The following CASZ1 variants were observed in gnomAD, a reference collection of about 807,000 sequenced individuals.
The protein encoded by CASZ1 is castor zinc finger 1.
Under a neutral mutation model 135.2 loss-of-function variants are expected in CASZ1, and 28 were observed. The ratio of observed to expected loss-of-function variants is 0.21; its 90% CI spans 0.15 to 0.28. CASZ1 has a LOEUF of 0.28. CASZ1 is among the 10% of genes least tolerant of loss of function. CASZ1 has a pLI of 1.00. For missense variants in CASZ1, 2,161 were observed against 2,453.3 expected (o/e 0.88, Z 2.52); for synonymous variants, 1,068 against 1,073.4 (o/e 0.99, Z 0.10).
At chr1:10,793,936 C>A (rs1301060962) in intron 1 of CASZ1, among the ~76,000 whole-genome samples, 1 of 152,170 alleles carries the variant, frequency 6.6e-6, no homozygotes, top group East Asian at 1.9e-4. Flanking sequence ...CAGGTCGCGA[C>A]GCCCGCCCGG....
chr1:10,716,401 C>T (rs747264443), intron 2 of CASZ1, among the ~76,000 whole-genome samples: 5 of 152,250 alleles, frequency 3.3e-5, no homozygotes, highest in Non-Finnish European at 7.3e-5. Flanking sequence ...AGAAGAGGCA[C>T]AGGCAGAGAG....
intron 2 of CASZ1, among the ~76,000 whole-genome samples, chr1:10,712,641 A>G (rs780043594): frequency 4.6e-5 from 7 of 152,054 alleles, no homozygotes; most frequent in Non-Finnish European, 1.0e-4. Context: ...GCTCCACAGG[A>G]TGTGCTGTGT....
In CASZ1 at chr1:10,726,084, G is replaced by T. The variant is rs574000886; in HGVS notation, c.-76-20540C>A. Among the ~76,000 whole-genome samples, 1 of 152,274 alleles carries T rather than the reference G, an allele frequency of 6.6e-6. No individual in the cohort carries two copies. Among genetic ancestry groups the T allele is most frequent in the Admixed American group, 6.5e-5 (1 of 15,304 alleles). On this transcript the variant is annotated intron_variant, in intron 2 of 20. Transcript: ENST00000377022. This position sits in a 1 kb window ranked among gnomAD's most constrained non-coding sequence, Gnocchi z 5.7. ...GATGCCTCCAACCACCTATGGGGCA[G>T]GGCCTATACTATCACCACCACCACT...
In CASZ1 at chr1:10,767,875, T is replaced by G. The variant is rs1640505192; in HGVS notation, c.-233-7018A>C. Among the ~76,000 whole-genome samples, 1 of 151,744 alleles carries G rather than the reference T, an allele frequency of 6.6e-6. No homozygotes were observed. The highest frequency in any genetic ancestry group is 6.6e-5 in the Admixed American group (1 of 15,246). On this transcript the variant is annotated intron_variant, in intron 1 of 20. Coordinates refer to ENST00000377022, the MANE Select transcript of CASZ1 (RefSeq NM_001079843.3). The surrounding 1 kb of genome is among the most constrained non-coding windows in gnomAD (Gnocchi z 4.2). ...CGGCCCATGAGGAGGGCCACGACCC[T>G]GGCATCACCCCAGTCCCCCAACGCC... is the stretch of plus-strand genomic sequence containing the variant.
At chr1:10,738,335 C>T (rs571071585) in intron 2 of CASZ1, among the ~76,000 whole-genome samples, 82 of 152,344 alleles carry the variant, frequency 5.4e-4, no homozygotes, top group Non-Finnish European at 1.0e-3. Flanking sequence ...GCAGGAAACC[C>T]GGAAGGACGC....
At chr1:10,702,510 C>T (rs959395793) in intron 3 of CASZ1, among the ~76,000 whole-genome samples, 2 of 152,224 alleles carry the variant, frequency 1.3e-5, no homozygotes, top group African/African-American at 2.4e-5. Flanking sequence ...AAGCCAGCCC[C>T]ATCAGTCACT....
rs1420559638 is a variant in CASZ1 at position 10,776,693 on chromosome 1, G to T, written c.-233-15836C>A. ...CTCTGGTTTGACAGGTTGTGGGAGA[G>T]GGTTGGCTGCATGGCACAGCTGCGG... On this transcript the variant is annotated intron_variant, in intron 1 of 20. Transcript: ENST00000377022. The surrounding 1 kb of genome is among the most constrained non-coding windows in gnomAD (Gnocchi z 4.1). 6.6e-6 allele frequency among the ~76,000 whole-genome samples: 1 copy of T among 152,220 alleles called. No individual in the cohort carries two copies. Among genetic ancestry groups the T allele is most frequent in the Non-Finnish European group, 1.5e-5 (1 of 68,028 alleles).
chr1:10,708,576 C>T (rs1257054260), intron 2 of CASZ1, among the ~76,000 whole-genome samples: 1 of 152,198 alleles, frequency 6.6e-6, no homozygotes, highest in East Asian at 1.9e-4. Context: ...GCCCGGCACT[C>T]CCTCCATCTC....
chr1:10,747,443 G>A lies in CASZ1; in HGVS notation c.-77+13258C>T, dbSNP rs531381423. ...GGTCTAACAGTGGCCAGGTCCCAGC[G>A]GCAGATGAAAGGCGTTCCACCCAGA... On this transcript the variant is annotated intron_variant, in intron 2 of 20. Coordinates refer to ENST00000377022, the MANE Select transcript of CASZ1 (RefSeq NM_001079843.3). The surrounding 1 kb of genome is among the most constrained non-coding windows in gnomAD (Gnocchi z 4.3). Among the ~76,000 whole-genome samples the A allele has an allele frequency of 1.4e-4, 22 of 152,280 alleles. No individual in the cohort carries two copies. The highest frequency in any genetic ancestry group is 2.8e-4 in the Non-Finnish European group (19 of 68,018).
At position 10,767,663 on chromosome 1, in the gene CASZ1, T is replaced by A. The variant is rs1040492789; in HGVS notation, c.-233-6806A>T. ...TCTCTCACTTGCTTTTTAAAAAAAA[T>A]TTAATGTTCTCTATAATTCATCCAT... On this transcript the variant is annotated intron_variant, in intron 1 of 20. Transcript: ENST00000377022. The surrounding 1 kb of genome is among the most constrained non-coding windows in gnomAD (Gnocchi z 4.2). Among the ~76,000 whole-genome samples, 1 of 152,196 alleles carries A rather than the reference T, an allele frequency of 6.6e-6. No homozygotes were observed. The highest frequency in any genetic ancestry group is 1.5e-5 in the Non-Finnish European group (1 of 68,036).
intron 4 of CASZ1, among the ~76,000 whole-genome samples, chr1:10,682,898 G>T (rs1466042522): frequency 1.3e-5 from 2 of 152,256 alleles, no homozygotes; most frequent in African/African-American, 2.4e-5. Context: ...TGGTGTGGCT[G>T]GGCCGGGGCC....
chr1:10,722,783 T>A lies in CASZ1; in HGVS notation c.-76-17239A>T, dbSNP rs540932161. Among the ~76,000 whole-genome samples, 6 of 152,316 alleles carry A rather than the reference T, an allele frequency of 3.9e-5. No homozygotes were observed. The South Asian group carries it at 1.2e-3, about 32-fold the overall frequency. On this transcript the variant is annotated intron_variant, in intron 2 of 20. Coordinates refer to ENST00000377022, the MANE Select transcript of CASZ1 (RefSeq NM_001079843.3). ...TGTCTCCTGCCCCAGCCCAGCTGCC[T>A]CCCTCTGGCATTACTGCCACAGGCC... is the stretch of plus-strand genomic sequence containing the variant.
In CASZ1 at chr1:10,655,784, G is replaced by A. The variant is rs373017508; in HGVS notation, c.1530C>T (p.Arg510=). 149 of 1,614,044 alleles carry A rather than the reference G, an allele frequency of 9.2e-5. No individual in the cohort carries two copies. Among genetic ancestry groups the A allele is most frequent in the Non-Finnish European group, 1.2e-4 (143 of 1,179,998 alleles). Residue 510 remains arginine, a synonymous_variant, in exon 9 of 21, where the codon CGC becomes CGT. Transcript: ENST00000377022. ...CGCGCTTCTTGTGCATGTTGTAGTG[G>A]CGGATCACGTCCTGCTTACTCGTGA... ...QRFTSKQDVI[R]HYNMHKKRDN... is the part of the protein sequence containing the mutation.
rs889383970 is a variant in CASZ1, at chr1:10,762,794, G to A, written c.-233-1937C>T. 6.6e-6 allele frequency among the ~76,000 whole-genome samples: 1 copy of A among 152,122 alleles called. No homozygotes were observed. Among genetic ancestry groups the A allele is most frequent in the African/African-American group, 2.4e-5 (1 of 41,444 alleles). ...CTCCCCAACTCCAGGCAAGGCGCTG[G>A]CAAGACCAGGGGCTGACCACAGGCC... On this transcript the variant is annotated intron_variant, in intron 1 of 20. Transcript: ENST00000377022. The surrounding 1 kb of genome is among the most constrained non-coding windows in gnomAD (Gnocchi z 4.1).
chr1:10,780,090 C>T (rs1453857045), intron 1 of CASZ1, among the ~76,000 whole-genome samples: 1 of 152,202 alleles, frequency 6.6e-6, no homozygotes, highest in Non-Finnish European at 1.5e-5. Context: ...GTGACCTTCA[C>T]TCCCCACAAA....
rs1282446960 is a variant in CASZ1 at position 10,725,779 on chromosome 1, G to A, written c.-76-20235C>T. Among the ~76,000 whole-genome samples the A allele has an allele frequency of 6.6e-6, 1 of 151,692 alleles. No individual in the cohort carries two copies. Among genetic ancestry groups the A allele is most frequent in the Non-Finnish European group, 1.5e-5 (1 of 67,938 alleles). On this transcript the variant is annotated intron_variant, in intron 2 of 20. Coordinates refer to ENST00000377022, the MANE Select transcript of CASZ1 (RefSeq NM_001079843.3). The surrounding 1 kb of genome is among the most constrained non-coding windows in gnomAD (Gnocchi z 4.4). ...ATCCTGGGGAACCCTGGACAGGTGA[G>A]TGACAAGACAGCGGCAGTGGGGTGG... is the stretch of plus-strand genomic sequence containing the variant.
chr1:10,704,511 C>T (rs944941183), intron 3 of CASZ1: 2 of 152,256 alleles, frequency 1.3e-5, no homozygotes, highest in South Asian at 2.1e-4. Context: ...CTTTGAAGTC[C>T]GAAAGGGATG....
intron 1 of CASZ1, among the ~76,000 whole-genome samples, 158 bp downstream of exon 1, chr1:10,796,406 G>T (rs1641071929): frequency 6.6e-6 from 1 of 151,984 alleles, no homozygotes; most frequent in Non-Finnish European, 1.5e-5. Flanking sequence ...TGGCTGGCTC[G>T]CTCGCTCGCT....
At chr1:10,752,942 A>C (rs1570560494) in intron 2 of CASZ1, among the ~76,000 whole-genome samples, 2 of 152,280 alleles carry the variant, frequency 1.3e-5, no homozygotes, top group African/African-American at 4.8e-5. Context: ...GAGGCTGAGG[A>C]AAGAGACTCA....
Sources: allele counts gnomAD v4.1 joint callset (sites outside exome capture counted in the v4.1 genomes callset), GRCh38; gene constraint gnomAD v4.1.1; non-coding constraint Gnocchi (gnomAD v3.1); transcripts MANE v1.5; gene names NCBI Gene and HGNC (gene_info 2026-07-23, HGNC 2026-07-21).